The following CFAP61 variants were observed in gnomAD, a reference collection of about 807,000 sequenced individuals.
CFAP61 encodes the protein cilia- and flagella-associated protein 61.
A neutral mutation model predicts 135.6 loss-of-function variants in CFAP61; 107 were observed. The ratio of observed to expected loss-of-function variants is 0.79; its 90% CI spans 0.67 to 0.93. The LOEUF is 0.93. Ranked by LOEUF, CFAP61 falls within the 40% of genes least tolerant of loss-of-function variation. CFAP61 has a pLI of 0.00. For missense variants in CFAP61, 1,507 were observed against 1,556.2 expected (o/e 0.97, Z 0.53); for synonymous variants, 575 against 578.5 (o/e 0.99, Z 0.09).
intron 21 of CFAP61, among the ~76,000 whole-genome samples, chr20:20,275,053 G>A (rs2053646154): frequency 6.6e-6 from 1 of 150,830 alleles, no homozygotes; most frequent in Non-Finnish European, 1.5e-5. Flanking sequence ...ACTTGCTTTG[G>A]TCAATGGGAT....
intron 8 of CFAP61, among the ~76,000 whole-genome samples, chr20:20,129,106 A>C (rs2050305297): frequency 6.6e-6 from 1 of 151,628 alleles, no homozygotes; most frequent in Non-Finnish European, 1.5e-5. Flanking sequence ...CTCCCCAAGG[A>C]CAGTATTAGA....
chr20:20,115,841 T>C (rs1240946765), intron 8 of CFAP61, among the ~76,000 whole-genome samples: 1 of 152,204 alleles, frequency 6.6e-6, no homozygotes, highest in Non-Finnish European at 1.5e-5. Context: ...ATTCATCCAT[T>C]GATGGAGACT....
In CFAP61 at chr20:20,251,624, T is replaced by G. The variant is rs747390838; in HGVS notation, c.2189T>G (p.Leu730Arg). Reference sequence around the variant, plus strand: ...TGTTTTAATGATAAAGATTATGCACTGATGTCACTGTGCTCCTGGGTTAAT... The same window carrying G: ...TGTTTTAATGATAAAGATTATGCACGGATGTCACTGTGCTCCTGGGTTAAT... Reference protein sequence around the residue: ...DHCFNDKDYALMSLCSWVNVV... With the variant: ...DHCFNDKDYARMSLCSWVNVV... The change falls in exon 20 of 27, where the codon CTG becomes CGG. Residue 730 changes from leucine (L) to arginine (R), a missense_variant. Transcript: ENST00000245957. 5.6e-6 allele frequency: 9 copies of G among 1,614,164 alleles called. No individual in the cohort carries two copies. Among genetic ancestry groups the G allele is most frequent in the Non-Finnish European group, 7.6e-6 (9 of 1,179,998 alleles).
rs374364200 is a variant in CFAP61 at position 20,130,275 on chromosome 20, C to T, written c.860-12582C>T. ...TTGTACTTCAGCCTGGGTGACAGGGCGAGACTCTGTCTCAGAAATAAAAAA... is the reference window on the plus strand; with the variant it reads ...TTGTACTTCAGCCTGGGTGACAGGGTGAGACTCTGTCTCAGAAATAAAAAA... On this transcript the variant is annotated intron_variant, in intron 8 of 26. Transcript: ENST00000245957. Among the ~76,000 whole-genome samples the T allele has an allele frequency of 2.1e-4, 31 of 151,034 alleles. No individual in the cohort carries two copies. The East Asian group carries it at 4.9e-3, about 24-fold the overall frequency.
intron 25 of CFAP61, among the ~76,000 whole-genome samples, chr20:20,311,405 A>T (rs2056819329): frequency 1.3e-5 from 2 of 152,234 alleles, no homozygotes; most frequent in Non-Finnish European, 2.9e-5. Flanking sequence ...ACAAATTTTT[A>T]AAAAAGATAT....
In CFAP61 at chr20:20,358,180, A is replaced by AGGTGGTC. The variant is rs1230234165; in HGVS notation, c.3514-2030_3514-2029insGGTGGTC. 1.2e-3 allele frequency among the ~76,000 whole-genome samples: 136 copies of AGGTGGTC among 113,906 alleles called. 8 individuals are homozygous for AGGTGGTC. Among genetic ancestry groups the AGGTGGTC allele is most frequent in the African/African-American group, 4.2e-3 (126 of 30,000 alleles). The allele number at this position is 113,906 out of a possible 152,430, so 74.7% of individuals were successfully genotyped here. A position where few individuals can be genotyped will look rare whatever the true frequency, so the allele number is the denominator to read the frequency against. The stretch of plus-strand genomic sequence containing the variant: ...GAGGGGAGGTGGTCACACTGAGGGG[A>AGGTGGTC]AGTGGTCACACTGAGGGGAATGGTC... On this transcript the variant is annotated intron_variant, in intron 26 of 26. Coordinates refer to ENST00000245957, the MANE Select transcript of CFAP61 (RefSeq NM_015585.4).
chr20:20,275,411 C>G (rs1463927316), intron 21 of CFAP61, among the ~76,000 whole-genome samples: 1 of 152,238 alleles, frequency 6.6e-6, no homozygotes, highest in Non-Finnish European at 1.5e-5. Context: ...TTAGAAGTCA[C>G]ATTATCTAGA....
chr20:20,181,662 C>A (rs917683186), intron 13 of CFAP61, among the ~76,000 whole-genome samples: 1 of 152,010 alleles, frequency 6.6e-6, no homozygotes, highest in African/African-American at 2.4e-5. Flanking sequence ...CTTGGGAAGC[C>A]CTCCGGAGAC....
chr20:20,279,844 T>A (rs533686286), intron 22 of CFAP61, among the ~76,000 whole-genome samples: 1 of 152,304 alleles, frequency 6.6e-6, no homozygotes, highest in Admixed American at 6.5e-5. Context: ...CATTATTCTC[T>A]GATTTTCATC....
chr20:20,060,963 C>T (rs1015789551), intron 2 of CFAP61, among the ~76,000 whole-genome samples: 1 of 152,194 alleles, frequency 6.6e-6, no homozygotes, highest in African/African-American at 2.4e-5. Flanking sequence ...GCCACTGCTG[C>T]CATTTGATAG....
rs1238670923 is a variant in CFAP61 at position 20,263,056 on chromosome 20, A to G, written c.2429A>G (p.His810Arg). ...RRYTGKVPCNHFTLNEEEDCF... is the reference protein window; with the variant it reads ...RRYTGKVPCNRFTLNEEEDCF... ...TACACGGGGAAAGTTCCTTGCAACC[A>G]TTTCACTCTCAACGAGGAAGAGGAT... The change falls in exon 21 of 27, where the codon CAT (histidine) becomes CGT (arginine). Residue 810 changes from histidine (H) to arginine (R), a missense_variant. Physicochemically the swap from His to Arg is conservative, Grantham distance 29. Transcript: ENST00000245957. 1 of 1,613,908 alleles carries G rather than the reference A, an allele frequency of 6.2e-7. No individual in the cohort carries two copies. Among genetic ancestry groups the G allele is most frequent in the Admixed American group, 1.7e-5 (1 of 59,996 alleles).
chr20:20,148,704 T>TA (rs1371462816), intron 9 of CFAP61, among the ~76,000 whole-genome samples: 1 of 152,012 alleles, frequency 6.6e-6, no homozygotes, highest in African/African-American at 2.4e-5. Context: ...TTGGATGTTT[T>TA]GTGTTTTCTA....
rs745502927 is a variant in CFAP61, at chr20:20,360,390, G to A, written c.3694G>A (p.Ala1232Thr). 8 of 1,613,790 alleles carry A rather than the reference G, an allele frequency of 5.0e-6. No individual in the cohort carries two copies. The highest frequency in any genetic ancestry group is 1.3e-5 in the African/African-American group (1 of 75,028). Reference sequence around the variant, plus strand: ...TAACCGCTACCACCTGCCCATGTACGCGTGGCCAGGCATCGTTTAGTTGTA... The same window carrying A: ...TAACCGCTACCACCTGCCCATGTACACGTGGCCAGGCATCGTTTAGTTGTA... ...HYNRYHLPMY[A>T]WPGIV Residue 1232 changes from alanine to threonine, a missense_variant, in exon 27 of 27, where the codon GCG (alanine) becomes ACG (threonine). Physicochemically the swap from Ala to Thr is moderately conservative, Grantham distance 58. Coordinates refer to ENST00000245957, the MANE Select transcript of CFAP61 (RefSeq NM_015585.4).
chr20:20,175,333 C>T (rs6081908), intron 13 of CFAP61, among the ~76,000 whole-genome samples: 137,435 of 152,238 alleles, frequency 0.9, 62,864 homozygotes, highest in Middle Eastern at 0.99. Flanking sequence ...GTCCAGGGAT[C>T]GGCAGCAGCA....
intron 8 of CFAP61, among the ~76,000 whole-genome samples, chr20:20,106,689 A>T (rs1165054328): frequency 6.6e-6 from 1 of 152,184 alleles, no homozygotes; most frequent in African/African-American, 2.4e-5. Context: ...CATTTAATGA[A>T]GTTCAAGAGT....
intron 21 of CFAP61, among the ~76,000 whole-genome samples, chr20:20,268,413 C>G (rs1282234285): frequency 6.6e-6 from 1 of 152,214 alleles, no homozygotes; most frequent in Non-Finnish European, 1.5e-5. Flanking sequence ...GAAGTCGGCT[C>G]TCCTTTGAAC....
chr20:20,272,673 C>T (rs1326485119), intron 21 of CFAP61, among the ~76,000 whole-genome samples: 3 of 152,164 alleles, frequency 2.0e-5, no homozygotes, highest in African/African-American at 7.2e-5. Context: ...GTTTGTCCCG[C>T]CCAGCAGCTG....
At chr20:20,262,309 C>A (rs1028995476) in intron 20 of CFAP61, among the ~76,000 whole-genome samples, 9 of 152,146 alleles carry the variant, frequency 5.9e-5, no homozygotes, top group Non-Finnish European at 1.3e-4. Flanking sequence ...AGAATATGGA[C>A]CTCTCTCTAT....
intron 7 of CFAP61, among the ~76,000 whole-genome samples, chr20:20,092,330 A>G (rs1478549905): frequency 1.3e-5 from 2 of 152,224 alleles, no homozygotes; most frequent in African/African-American, 4.8e-5. Context: ...TAGCTTTTCT[A>G]AACAAATCAG....
Sources: gnomAD v4.1 joint callset for allele counts (sites outside exome capture counted in the v4.1 genomes callset) on GRCh38, gnomAD v4.1.1 for gene constraint, MANE v1.5 for transcripts, NCBI Gene and HGNC (gene_info 2026-07-23, HGNC 2026-07-21) for gene names.